The following POU2F2 variants were observed in gnomAD, a reference collection of about 807,000 sequenced individuals.
The protein encoded by POU2F2 is POU domain, class 2, transcription factor 2.
Under a neutral mutation model 63.5 loss-of-function variants are expected in POU2F2, and 14 were observed. The observed-to-expected ratio is 0.22, with a 90% CI of 0.15 to 0.34. The LOEUF (loss-of-function observed/expected upper bound fraction) is 0.34. POU2F2 is among the 10% of genes least tolerant of loss of function. The pLI is 1.00. For synonymous variants in POU2F2, 306 were observed against 348.6 expected (o/e 0.88, Z 1.36); for missense variants, 607 against 815.2 (o/e 0.74, Z 3.11).
intron 2 of POU2F2, among the ~76,000 whole-genome samples, chr19:42,159,925 T>G (rs1223246639): frequency 6.6e-6 from 1 of 152,152 alleles, no homozygotes; most frequent in Non-Finnish European, 1.5e-5. Flanking sequence ...GGATGGCACT[T>G]AAGGTGGGTT....
chr19:42,161,235 T>C (rs553342410), intron 1 of POU2F2, among the ~76,000 whole-genome samples: 2 of 152,242 alleles, frequency 1.3e-5, no homozygotes, highest in South Asian at 4.1e-4. Context: ...AACGAGAGAA[T>C]GCCAGGACTT....
rs146826919 is a variant in POU2F2 at position 42,193,200 on chromosome 19, A to G, written c.-70+3183T>C. ...GCCACTGCACTGCAACCTGGGCGAC[A>G]GAACGAGACTCCGTCTCAAAAAAAA... On this transcript the variant is annotated intron_variant, in intron 1 of 5. Coordinates refer to the POU2F2 transcript ENST00000532176. Among the ~76,000 whole-genome samples, 1,090 of 149,832 alleles carry G rather than the reference A, an allele frequency of 7.3e-3. 5 individuals are homozygous for G. The highest frequency in any genetic ancestry group is 0.031 in the Middle Eastern group (9 of 290).
chr19:42,151,673 A>G (rs1465230360), intron 2 of POU2F2, among the ~76,000 whole-genome samples: 1 of 152,186 alleles, frequency 6.6e-6, no homozygotes, highest in African/African-American at 2.4e-5. Flanking sequence ...CAGGGTTCTC[A>G]GCGCTGTCCC....
At chr19:42,135,786 C>A (rs1031510774), upstream of POU2F2, among the ~76,000 whole-genome samples, 13 of 151,546 alleles carry the variant, frequency 8.6e-5, no homozygotes, top group South Asian at 1.5e-3. Flanking sequence ...CGGCTCACTG[C>A]AACCTCCGCC....
At chr19:42,181,193 G>A (rs933744579) in intron 1 of POU2F2, among the ~76,000 whole-genome samples, 3 of 152,238 alleles carry the variant, frequency 2.0e-5, no homozygotes, top group Non-Finnish European at 4.4e-5. Flanking sequence ...GCTCCGCCCA[G>A]CCCCGAGTCA....
chr19:42,197,014 G>C (rs973552951), upstream of POU2F2, among the ~76,000 whole-genome samples: 3 of 152,228 alleles, frequency 2.0e-5, no homozygotes, highest in Admixed American at 1.3e-4. Context: ...GTATTCAAAT[G>C]AGGCCAGGAG....
intron 4 of POU2F2, among the ~76,000 whole-genome samples, chr19:42,119,052 G>A (rs1028174248): frequency 6.6e-6 from 1 of 152,048 alleles, no homozygotes; most frequent in Non-Finnish European, 1.5e-5. Context: ...ATTTTGGGAG[G>A]CTGAGGCAGG....
chr19:42,106,716 C>T (rs989838629), intron 5 of POU2F2, among the ~76,000 whole-genome samples: 1 of 149,058 alleles, frequency 6.7e-6, no homozygotes, highest in Non-Finnish European at 1.5e-5. Context: ...TTGAGACCAG[C>T]CTGGGCAAGA....
At chr19:42,147,503 G>A (rs781246159) in intron 2 of POU2F2, among the ~76,000 whole-genome samples, 23 of 152,088 alleles carry the variant, frequency 1.5e-4, no homozygotes, top group Admixed American at 5.2e-4. Flanking sequence ...TTCTCTAGTT[G>A]TCAACTCCAT....
chr19:42,131,977 GCA>G (rs1294241650), intron 1 of POU2F2, among the ~76,000 whole-genome samples: 5 of 152,054 alleles, frequency 3.3e-5, no homozygotes, highest in African/African-American at 1.2e-4. Flanking sequence ...TACCAGATGT[GCA>G]CACACACACT....
At chr19:42,164,354 G>A (rs1183695857) in intron 1 of POU2F2, among the ~76,000 whole-genome samples, 1 of 151,924 alleles carries the variant, frequency 6.6e-6, no homozygotes, top group East Asian at 1.9e-4. Flanking sequence ...ACTTTGGGAG[G>A]CCAAGGCAGG....
At chr19:42,116,805 G>A (rs2031934132) in intron 5 of POU2F2, 1 of 374,140 alleles carries the variant, frequency 2.7e-6, no homozygotes, top group Non-Finnish European at 5.3e-6. Flanking sequence ...CCCCCCCAGA[G>A]GAGGCTGGGG....
intron 1 of POU2F2, among the ~76,000 whole-genome samples, chr19:42,168,878 G>GGT (rs2034702820): frequency 6.6e-6 from 1 of 152,194 alleles, no homozygotes; most frequent in Non-Finnish European, 1.5e-5. Flanking sequence ...ATCTAAACCA[G>GGT]GTTCTTCCGT....
intron 1 of POU2F2, among the ~76,000 whole-genome samples, chr19:42,194,758 C>CAAAAAAAAA (rs71167389): frequency 4.6e-5 from 1 of 21,740 alleles, no homozygotes; most frequent in African/African-American, 2.2e-4. Context: ...GACTCTGTCT[C>CAAAAAAAAA]AAAAAAAAAA....
At position 42,095,472 on chromosome 19, in the gene POU2F2, G is replaced by A; in HGVS notation, c.1021-10C>T. 6.2e-7 allele frequency: 1 copy of A among 1,611,612 alleles called. No homozygotes were observed. Among genetic ancestry groups the A allele is most frequent in the Non-Finnish European group, 8.5e-7 (1 of 1,179,412 alleles). The stretch of plus-strand genomic sequence containing the variant: ...AGGTAGGCTTCTGGTTCTGCAGGCA[G>A]AGGGCTCGTTAGCCCGAGGCCCACC... On this transcript the variant is annotated splice_polypyrimidine_tract_variant and intron_variant, in intron 10 of 14. Coordinates refer to ENST00000692977, the MANE Select transcript of POU2F2 (RefSeq NM_001394376.1). The surrounding 1 kb of genome is among the most constrained non-coding windows in gnomAD (Gnocchi z 7.1).
At chr19:42,134,691 G>C (rs942761353), upstream of POU2F2, 3 of 152,840 alleles carry the variant, frequency 2.0e-5, no homozygotes, top group Non-Finnish European at 4.4e-5. Flanking sequence ...GGTGCAGGGA[G>C]CTGGGAGGGA....
intron 1 of POU2F2, among the ~76,000 whole-genome samples, chr19:42,126,552 G>A (rs886228625): frequency 1.1e-4 from 16 of 152,210 alleles, no homozygotes; most frequent in Admixed American, 9.8e-4. Flanking sequence ...CAAGGAGAGA[G>A]GCCTTGGAAG....
At chr19:42,135,261 T>A (rs1483500147), upstream of POU2F2, among the ~76,000 whole-genome samples, 1 of 152,008 alleles carries the variant, frequency 6.6e-6, no homozygotes, top group Admixed American at 6.6e-5. Flanking sequence ...CAGGCCATAC[T>A]CTGAGTCCAT....
chr19:42,129,018 A>C (rs1392181346), intron 1 of POU2F2, among the ~76,000 whole-genome samples: 2 of 152,012 alleles, frequency 1.3e-5, no homozygotes, highest in Non-Finnish European at 2.9e-5. Context: ...TTTTTATTAG[A>C]GACGGGGTTT....
Sources: allele counts gnomAD v4.1 joint callset (sites outside exome capture counted in the v4.1 genomes callset), GRCh38; gene constraint gnomAD v4.1.1; non-coding constraint Gnocchi (gnomAD v3.1); transcripts MANE v1.5; gene names NCBI Gene and HGNC (gene_info 2026-07-23, HGNC 2026-07-21).